DCAF5: variants seen among roughly 807,000 people sequenced by gnomAD.
DCAF5 encodes DDB1 and CUL4 associated factor 5, also known as DDB1- and CUL4-associated factor 5.
DCAF5 carries 9 observed loss-of-function variants against 80.7 expected under a neutral mutation model. The observed-to-expected ratio is 0.11, with a 90% confidence interval of 0.07 to 0.19. The LOEUF is 0.19. Ranked by LOEUF, DCAF5 falls within the 10% of genes least tolerant of loss-of-function variation. DCAF5 has a pLI of 1.00. For synonymous variants in DCAF5, 433 were observed against 461.9 expected (o/e 0.94, Z 0.80); for missense variants, 842 against 1,205.7 (o/e 0.70, Z 4.47).
At chr14:69,096,160 A>G (rs2039705354) in intron 5 of DCAF5, among the ~76,000 whole-genome samples, 1 of 152,224 alleles carries the variant, frequency 6.6e-6, no homozygotes, top group South Asian at 2.1e-4. Context: ...GTCGCATTCA[A>G]GTATGTTTAG....
At chr14:69,099,808 A>C (rs979667126) in intron 5 of DCAF5, among the ~76,000 whole-genome samples, 5 of 152,098 alleles carry the variant, frequency 3.3e-5, no homozygotes, top group Non-Finnish European at 7.4e-5. Flanking sequence ...TTAGCCGAGC[A>C]TAGTGGCACA....
intron 5 of DCAF5, among the ~76,000 whole-genome samples, chr14:69,098,727 CAAAAAAAA>C (rs35501979): frequency 1.1e-4 from 10 of 92,490 alleles, no homozygotes; most frequent in East Asian, 3.0e-4. Flanking sequence ...ACTAAAAATA[CAAAAAAAA>C]AAAAAAAAAA....
intron 2 of DCAF5, among the ~76,000 whole-genome samples, chr14:69,121,213 T>G (rs1293938482): frequency 1.3e-5 from 2 of 152,230 alleles, no homozygotes; most frequent in Non-Finnish European, 2.9e-5. Context: ...ATGGTTCACA[T>G]GGTCCAGTCT....
chr14:69,107,495 T>A (rs1157055928), intron 5 of DCAF5, among the ~76,000 whole-genome samples: 7 of 152,196 alleles, frequency 4.6e-5, no homozygotes, highest in Non-Finnish European at 7.3e-5. Flanking sequence ...GACAAGCTCC[T>A]CAGGTGATTC....
rs993507101 is a variant in DCAF5 at position 69,052,057 on chromosome 14, G to C, written c.*1800C>G. The C allele has an allele frequency of 6.6e-6, 1 of 152,194 alleles. No individual in the cohort carries two copies. Among genetic ancestry groups the C allele is most frequent in the Non-Finnish European group, 1.5e-5 (1 of 68,008 alleles). 9.4% of individuals were successfully genotyped at this position (152,194 alleles called of 1,614,324 possible). Reference sequence around the variant, plus strand: ...TCACTTTCCCACTCCCCCAGTAAAAGTCCAGGTGTTAAGTTGTACACACCC... The same window carrying C: ...TCACTTTCCCACTCCCCCAGTAAAACTCCAGGTGTTAAGTTGTACACACCC... On this transcript the variant is annotated 3_prime_UTR_variant, in exon 9 of 9. Coordinates refer to ENST00000341516, the MANE Select transcript of DCAF5 (RefSeq NM_003861.3).
intron 7 of DCAF5, among the ~76,000 whole-genome samples, chr14:69,063,623 A>C (rs2139853776): frequency 6.6e-6 from 1 of 152,320 alleles, no homozygotes; most frequent in East Asian, 1.9e-4. Flanking sequence ...CACCTTGTTC[A>C]AACACTCATT....
intron 6 of DCAF5, chr14:69,084,501 C>T: frequency 1.3e-6 from 1 of 772,710 alleles, no homozygotes; most frequent in Non-Finnish European, 2.3e-6. Flanking sequence ...GAAGGCCCGG[C>T]AAGGATTTCT....
chr14:69,137,927 C>G (rs921230002), intron 1 of DCAF5, among the ~76,000 whole-genome samples: 3 of 152,076 alleles, frequency 2.0e-5, no homozygotes, highest in Admixed American at 1.3e-4. Context: ...GGTATGTATA[C>G]ATAAGACAAA....
intron 1 of DCAF5, among the ~76,000 whole-genome samples, chr14:69,141,264 G>T (rs2041365731): frequency 6.6e-6 from 1 of 151,888 alleles, no homozygotes; most frequent in Non-Finnish European, 1.5e-5. Flanking sequence ...AAGAGACTGG[G>T]GTTTTGGTTT....
In DCAF5 at chr14:69,062,368, GGGGAA is replaced by G; in HGVS notation, c.1074+11_1074+15del. ...TGAGAATTTCTCTAAAAGGACAGAA[GGGGAA>G]GGTGCCTCACCTTGATAATCTTTTC... On this transcript the variant is annotated intron_variant, in intron 8 of 8. Transcript: ENST00000341516. 6.2e-7 allele frequency: 1 copy of G among 1,612,106 alleles called. No homozygotes were observed. The highest frequency in any genetic ancestry group is 1.3e-5 in the African/African-American group (1 of 75,012).
chr14:69,101,047 C>T (rs2039934456), intron 5 of DCAF5, among the ~76,000 whole-genome samples: 1 of 152,192 alleles, frequency 6.6e-6, no homozygotes, highest in African/African-American at 2.4e-5. Context: ...ATAAAATAGA[C>T]AGTGTGGTTA....
chr14:69,068,080 C>T (rs1206402754), intron 7 of DCAF5, among the ~76,000 whole-genome samples: 2 of 152,156 alleles, frequency 1.3e-5, no homozygotes, highest in African/African-American at 4.8e-5. Flanking sequence ...CTCTTCAAGA[C>T]CTCCTTCATT....
intron 5 of DCAF5, among the ~76,000 whole-genome samples, chr14:69,093,820 C>T (rs994399944): frequency 8.5e-5 from 13 of 152,186 alleles, no homozygotes; most frequent in African/African-American, 3.1e-4. Context: ...ACTTAGAAAA[C>T]CCTCCCTAGA....
chr14:69,132,024 T>C (rs530013929), intron 1 of DCAF5, among the ~76,000 whole-genome samples: 2 of 152,306 alleles, frequency 1.3e-5, no homozygotes, highest in East Asian at 3.9e-4. Flanking sequence ...AGACTACATT[T>C]TGTTTATCTA....
chr14:69,120,246 G>C (rs1157241504), intron 2 of DCAF5, among the ~76,000 whole-genome samples: 1 of 151,844 alleles, frequency 6.6e-6, no homozygotes, highest in Non-Finnish European at 1.5e-5. Context: ...ACTATGCCTG[G>C]CTAATTAAAA....
intron 5 of DCAF5, among the ~76,000 whole-genome samples, chr14:69,112,475 C>T (rs1019184551): frequency 1.3e-5 from 2 of 151,926 alleles, no homozygotes; most frequent in Non-Finnish European, 1.5e-5. Flanking sequence ...TGGCTCATGC[C>T]TATAATTCCA....
Position 69,122,314 on chromosome 14 carries a change from G to C in DCAF5, c.261C>G (p.Ile87Met). The change falls in exon 2 of 9, where the codon ATC becomes ATG. Residue 87 changes from isoleucine (I) to methionine (M), a missense_variant. Transcript: ENST00000341516. Reference protein sequence around the residue: ...RVLLWHMEQAIHSRVKPIQLK... With the variant: ...RVLLWHMEQAMHSRVKPIQLK... Reference sequence around the variant, plus strand: ...GCTGTATGGGCTTGACCCTGGAGTGGATGGCTTGTTCCATGTGCCATAGCA... The same window carrying C: ...GCTGTATGGGCTTGACCCTGGAGTGCATGGCTTGTTCCATGTGCCATAGCA... 1 of 1,613,830 alleles carries C rather than the reference G, an allele frequency of 6.2e-7. No individual in the cohort carries two copies. The highest frequency in any genetic ancestry group is 8.5e-7 in the Non-Finnish European group (1 of 1,179,778).
Position 69,132,171 on chromosome 14 carries a change from C to T in DCAF5, c.215-9811G>A, listed in dbSNP as rs117377609. Among the ~76,000 whole-genome samples, 179 of 152,234 alleles carry T rather than the reference C, an allele frequency of 1.2e-3. 1 individual carries two copies. Among genetic ancestry groups the T allele is most frequent in the Non-Finnish European group, 1.9e-3 (128 of 68,020 alleles). Reference sequence around the variant, plus strand: ...GGGTATATAACCAGAAGTGAAATTGCTGGATCCATATGGTAATTCTACTTT... The same window carrying T: ...GGGTATATAACCAGAAGTGAAATTGTTGGATCCATATGGTAATTCTACTTT... On this transcript the variant is annotated intron_variant, in intron 1 of 8. Coordinates refer to ENST00000341516, the MANE Select transcript of DCAF5 (RefSeq NM_003861.3).
intron 5 of DCAF5, 150 bp downstream of exon 5, chr14:69,116,216 C>T: frequency 3.3e-6 from 3 of 900,644 alleles, no homozygotes; most frequent in Non-Finnish European, 4.9e-6. Context: ...TGGAAACAAG[C>T]TCTCCTGGCT....
Sources: allele counts gnomAD v4.1 joint callset (sites outside exome capture counted in the v4.1 genomes callset), GRCh38; gene constraint gnomAD v4.1.1; transcripts MANE v1.5; gene names NCBI Gene and HGNC (gene_info 2026-07-23, HGNC 2026-07-21).